The following MAPK14 variants were observed in gnomAD, a reference collection of about 807,000 sequenced individuals.
The protein encoded by MAPK14 is CSAID-binding protein.
MAPK14 carries 16 observed loss-of-function variants against 49.6 expected under a neutral mutation model. The ratio of observed to expected loss-of-function variants is 0.32; its 90% CI spans 0.22 to 0.49. The LOEUF (loss-of-function observed/expected upper bound fraction) is 0.49, where lower values mean the gene tolerates loss of function less well. Ranked by LOEUF, MAPK14 falls within the 20% of genes least tolerant of loss-of-function variation. MAPK14 has a pLI of 0.99. For synonymous variants in MAPK14, 142 were observed against 158.0 expected, an observed-to-expected ratio of 0.90 and a Z score of 0.76; for missense variants, 200 against 441.2, an observed-to-expected ratio of 0.45 and a Z score of 4.90.
At chr6:36,057,913 G>A (rs995197415) in intron 2 of MAPK14, among the ~76,000 whole-genome samples, 5 of 152,136 alleles carry the variant, frequency 3.3e-5, no homozygotes, top group Admixed American at 2.6e-4. Flanking sequence ...ATGGCTGGGC[G>A]TATTACAAAT....
intron 9 of MAPK14, chr6:36,097,014 A>G (rs982039057): frequency 6.6e-6 from 1 of 152,232 alleles, no homozygotes; most frequent in Admixed American, 6.5e-5. Context: ...AACATTTATG[A>G]CTGAAGGGGC....
intron 3 of MAPK14, among the ~76,000 whole-genome samples, chr6:36,071,419 G>A (rs192872248): frequency 6.6e-6 from 1 of 152,218 alleles, no homozygotes; most frequent in African/African-American, 2.4e-5. Context: ...AGTGGGTTAA[G>A]GCATTGTGTC....
intron 2 of MAPK14, among the ~76,000 whole-genome samples, chr6:36,054,565 T>C (rs1446469694): frequency 1.3e-5 from 2 of 152,238 alleles, no homozygotes; most frequent in East Asian, 1.9e-4. Flanking sequence ...TGATTTGTTA[T>C]TTAAACAAAA....
intron 8 of MAPK14, among the ~76,000 whole-genome samples, chr6:36,084,538 C>T (rs1214894335): frequency 6.6e-6 from 1 of 152,200 alleles, no homozygotes; most frequent in Admixed American, 6.5e-5. Context: ...ATGAGAACTT[C>T]ATAATGCAAC....
chr6:36,059,187 G>A (rs1763704431), intron 2 of MAPK14, 102 bp from the exon 3 acceptor site: 3 of 729,252 alleles, frequency 4.1e-6, no homozygotes, highest in Non-Finnish European at 6.6e-6. Flanking sequence ...ACTGCTCCCG[G>A]CCTAGACCCT....
intron 10 of MAPK14, 57 bp downstream of exon 10, chr6:36,102,706 G>A: frequency 4.4e-6 from 7 of 1,604,108 alleles, no homozygotes; most frequent in Non-Finnish European, 5.1e-6. Flanking sequence ...GATATAAATT[G>A]GGGATTTGAA....
At chr6:36,099,737 C>A (rs1765568674) in intron 9 of MAPK14, among the ~76,000 whole-genome samples, 1 of 152,192 alleles carries the variant, frequency 6.6e-6, no homozygotes, top group South Asian at 2.1e-4. Context: ...CTTGGAGAAC[C>A]TGTGCCGCAA....
chr6:36,117,908 C>G, the MAPK14 span, among the ~76,000 whole-genome samples: 1 of 152,188 alleles, frequency 6.6e-6, no homozygotes, highest in East Asian at 1.9e-4. Context: ...TGCAGATCAC[C>G]TTGTCTTTTG....
At chr6:36,041,339 C>T (rs1460792306) in intron 1 of MAPK14, among the ~76,000 whole-genome samples, 2 of 151,674 alleles carry the variant, frequency 1.3e-5, no homozygotes, top group East Asian at 3.9e-4. Context: ...TCTTTCTGCT[C>T]CATGATCCAT....
intron 3 of MAPK14, among the ~76,000 whole-genome samples, chr6:36,066,127 C>G (rs1004827779): frequency 4.6e-5 from 7 of 152,004 alleles, no homozygotes; most frequent in African/African-American, 1.7e-4. Flanking sequence ...TTATTTGACA[C>G]AACAATCCTG....
At chr6:36,079,868 G>T (rs1010203011) in intron 8 of MAPK14, among the ~76,000 whole-genome samples, 1 of 152,064 alleles carries the variant, frequency 6.6e-6, no homozygotes, top group East Asian at 1.9e-4. Flanking sequence ...AGAAAAAAAA[G>T]AAATGTAGCT....
chr6:36,058,190 G>T (rs1328701218), intron 2 of MAPK14, among the ~76,000 whole-genome samples: 6 of 151,952 alleles, frequency 3.9e-5, no homozygotes, highest in Non-Finnish European at 7.4e-5. Flanking sequence ...GACTTTGTGA[G>T]AATAATACCA....
intron 9 of MAPK14, chr6:36,096,537 C>T (rs1455475405): frequency 6.5e-6 from 1 of 154,568 alleles, no homozygotes; most frequent in Admixed American, 6.4e-5. Flanking sequence ...TGTACATTGT[C>T]TGCACACTGT....
At chr6:36,072,767 A>C (rs1444053609) in intron 3 of MAPK14, 106 bp from the exon 4 acceptor site, 2 of 616,470 alleles carry the variant, frequency 3.2e-6, no homozygotes, top group Non-Finnish European at 5.6e-6. Context: ...CCATTTCAAA[A>C]ACAAAAACAA....
downstream of MAPK14, among the ~76,000 whole-genome samples, chr6:36,114,590 C>A (rs1448819989): frequency 2.0e-5 from 3 of 150,566 alleles, no homozygotes; most frequent in African/African-American, 7.4e-5. Context: ...AGCACTCCAG[C>A]CTGGGCAACA....
At chr6:36,045,131 GA>G (rs113808786) in intron 1 of MAPK14, among the ~76,000 whole-genome samples, 2,936 of 133,448 alleles carry the variant, frequency 0.022, 77 homozygotes, top group African/African-American at 0.067. Context: ...AGACCTTAAA[GA>G]AAAAAAAAAA....
intron 1 of MAPK14, among the ~76,000 whole-genome samples, chr6:36,044,922 T>C (rs1023708495): frequency 6.6e-6 from 1 of 152,052 alleles, no homozygotes; most frequent in South Asian, 2.1e-4. Flanking sequence ...TCACTTAGCC[T>C]AGGAGTTCAA....
At position 36,053,989 on chromosome 6, in the gene MAPK14, A is replaced by G. The variant is rs187631818; in HGVS notation, c.246+1161A>G. On this transcript the variant is annotated intron_variant, in intron 2 of 11. Transcript: ENST00000229794. Reference sequence around the variant, plus strand: ...TGAGTATAATTTTACTTAAGTAGCTATGTGCAAACCAGAGTTTTAAGAATG... The same window carrying G: ...TGAGTATAATTTTACTTAAGTAGCTGTGTGCAAACCAGAGTTTTAAGAATG... Among the ~76,000 whole-genome samples, 122 of 124,164 alleles carry G rather than the reference A, an allele frequency of 9.8e-4. 3 individuals are homozygous for G. The highest frequency in any genetic ancestry group is 3.9e-3 in the African/African-American group (119 of 30,454). The allele number at this position is 124,164 out of a possible 152,430, so 81.5% of individuals were successfully genotyped here. A position where few individuals can be genotyped will look rare whatever the true frequency, so the allele number is the denominator to read the frequency against.
In MAPK14 at chr6:36,028,144, G is replaced by C; in HGVS notation, c.-14G>C. ...CACAGGGCCACCTTCTTGCCCGGCG[G>C]CTGCCGCTGGAAAATGTCTCAGGAG... is the stretch of plus-strand genomic sequence containing the variant. On this transcript the variant is annotated 5_prime_UTR_variant, in exon 1 of 12. Coordinates refer to ENST00000229794, the MANE Select transcript of MAPK14 (RefSeq NM_139012.3). This position sits in a 1 kb window ranked among gnomAD's most constrained non-coding sequence, Gnocchi z 5.1. 5 of 1,598,196 alleles carry C rather than the reference G, an allele frequency of 3.1e-6. No homozygotes were observed. Among genetic ancestry groups the C allele is most frequent in the Non-Finnish European group, 4.3e-6 (5 of 1,166,754 alleles).
Sources: allele counts gnomAD v4.1 joint callset (sites outside exome capture counted in the v4.1 genomes callset), GRCh38; gene constraint gnomAD v4.1.1; non-coding constraint Gnocchi (gnomAD v3.1); transcripts MANE v1.5; gene names NCBI Gene and HGNC (gene_info 2026-07-23, HGNC 2026-07-21).